CAST: variants seen among roughly 807,000 people sequenced by gnomAD.
The protein encoded by CAST is MIR583 host.
CAST carries 76 observed loss-of-function variants against 119.6 expected under a neutral mutation model. That is an observed-to-expected ratio of 0.64 (90% CI 0.53 to 0.77). CAST has a LOEUF of 0.77. Ranked by LOEUF, CAST falls within the 30% of genes least tolerant of loss-of-function variation. CAST has a pLI of 0.00. For missense variants in CAST, 953 were observed against 946.5 expected, an observed-to-expected ratio of 1.01 and a Z score of -0.09; for synonymous variants, 319 against 331.6, an observed-to-expected ratio of 0.96 and a Z score of 0.41.
rs530487074 is a variant in CAST at position 96,536,022 on chromosome 5, A to G, written c.60+6142A>G. On this transcript the variant is annotated intron_variant, in intron 1 of 11. Transcript: ENST00000505143. ...TATATGTTAAATAACCATATGTTAA[A>G]TATTTAAGGTTTTTTTTTTTTTTTT... Among the ~76,000 whole-genome samples the G allele has an allele frequency of 1.7e-4, 24 of 145,214 alleles. No individual in the cohort carries two copies. The South Asian group carries it at 5.2e-3, about 31-fold the overall frequency.
At chr5:96,012,087 G>A in the CAST span, among the ~76,000 whole-genome samples, 1 of 152,078 alleles carries the variant, frequency 6.6e-6, no homozygotes. Context: ...AAATAATAAT[G>A]TAATATACAC....
At chr5:96,211,634 T>G in the CAST span, among the ~76,000 whole-genome samples, 3 of 152,042 alleles carry the variant, frequency 2.0e-5, no homozygotes, top group African/African-American at 4.8e-5. Flanking sequence ...GATTTTGATA[T>G]CAGGGTAATA....
the CAST span, among the ~76,000 whole-genome samples, chr5:96,301,732 C>A: frequency 6.6e-6 from 1 of 152,340 alleles, no homozygotes; most frequent in East Asian, 1.9e-4. Flanking sequence ...TCCGGCCACA[C>A]TGATGCAAGG....
the CAST span, among the ~76,000 whole-genome samples, chr5:96,346,597 A>G: frequency 6.6e-6 from 1 of 152,126 alleles, no homozygotes; most frequent in Admixed American, 6.5e-5. Context: ...CATAATGACC[A>G]TTGGTAGAAG....
chr5:96,041,725 G>T, the CAST span, among the ~76,000 whole-genome samples: 7 of 152,108 alleles, frequency 4.6e-5, no homozygotes, highest in Middle Eastern at 3.4e-3. Flanking sequence ...AAGTCTGTTA[G>T]AAAAGATAGT....
chr5:96,453,809 T>G, the CAST span, among the ~76,000 whole-genome samples: 178 of 152,334 alleles, frequency 1.2e-3, no homozygotes, highest in African/African-American at 4.2e-3. Context: ...TTAAAAGTAA[T>G]TCTTCAATAT....
intron 19 of CAST, 102 bp downstream of exon 19, chr5:96,748,715 C>G: frequency 1.7e-6 from 1 of 585,968 alleles, no homozygotes. Flanking sequence ...TTAGAAAGCC[C>G]AATATGCCAT....
At chr5:96,104,077 GGTT>G in the CAST span, among the ~76,000 whole-genome samples, 2 of 151,960 alleles carry the variant, frequency 1.3e-5, no homozygotes, top group African/African-American at 4.8e-5. Context: ...TTTTTGATGG[GGTT>G]GTTTGTTTTT....
intron 1 of CAST, among the ~76,000 whole-genome samples, chr5:96,551,675 T>G (rs1025615881): frequency 2.6e-5 from 4 of 151,698 alleles, no homozygotes; most frequent in Admixed American, 2.6e-4. Context: ...AGGAGACCTA[T>G]CTCGCATGCA....
intron 1 of CAST, among the ~76,000 whole-genome samples, chr5:96,617,169 T>TATC (rs1302362116): frequency 6.6e-6 from 1 of 152,140 alleles, no homozygotes; most frequent in African/African-American, 2.4e-5. Context: ...GATTTTCAAC[T>TATC]ATCTCTAAAT....
chr5:96,518,600 A>G, the CAST span, among the ~76,000 whole-genome samples: 1 of 152,202 alleles, frequency 6.6e-6, no homozygotes, highest in Non-Finnish European at 1.5e-5. Flanking sequence ...AGCAGTTATA[A>G]TGATTGCAAA....
At chr5:96,219,068 G>C in the CAST span, among the ~76,000 whole-genome samples, 59 of 152,164 alleles carry the variant, frequency 3.9e-4, no homozygotes, top group Non-Finnish European at 1.0e-4. Flanking sequence ...GCCTGGCACA[G>C]GATAAGTGCT....
chr5:96,661,351 G>A (rs1748426009), upstream of CAST, among the ~76,000 whole-genome samples: 2 of 147,354 alleles, frequency 1.4e-5, no homozygotes, highest in African/African-American at 5.1e-5. Context: ...CTTGAACCTG[G>A]GAGGCGGAGA....
chr5:96,129,876 G>A, the CAST span, among the ~76,000 whole-genome samples: 1 of 151,932 alleles, frequency 6.6e-6, no homozygotes, highest in Non-Finnish European at 1.5e-5. Flanking sequence ...GCATTGCCTT[G>A]ATTACCTTTG....
chr5:96,247,673 C>T, the CAST span: 1 of 152,256 alleles, frequency 6.6e-6, no homozygotes, highest in Non-Finnish European at 1.5e-5. Context: ...TCCTTCCTCT[C>T]ATTTTATTTC....
chr5:96,177,328 T>A, the CAST span, among the ~76,000 whole-genome samples: 2 of 152,192 alleles, frequency 1.3e-5, no homozygotes, highest in African/African-American at 4.8e-5. Flanking sequence ...CTTTTGATTA[T>A]ATGTTGAAAC....
At chr5:96,329,354 G>A in the CAST span, among the ~76,000 whole-genome samples, 48 of 152,302 alleles carry the variant, frequency 3.2e-4, no homozygotes, top group East Asian at 9.2e-3. Context: ...TCTCTTATTA[G>A]GAATTTCAAC....
chr5:96,084,011 G>C, the CAST span, among the ~76,000 whole-genome samples: 2 of 152,182 alleles, frequency 1.3e-5, no homozygotes, highest in Admixed American at 1.3e-4. Flanking sequence ...GATTAAATGC[G>C]TTAAAATGTG....
intron 1 of CAST, among the ~76,000 whole-genome samples, chr5:96,600,617 C>T (rs1181553409): frequency 6.6e-6 from 1 of 152,192 alleles, no homozygotes; most frequent in Non-Finnish European, 1.5e-5. Context: ...GGTCCTCCAA[C>T]TCCTCTTTTT....
Sources: allele counts gnomAD v4.1 joint callset (sites outside exome capture counted in the v4.1 genomes callset), GRCh38; gene constraint gnomAD v4.1.1; transcripts MANE v1.5; gene names NCBI Gene and HGNC (gene_info 2026-07-23, HGNC 2026-07-21).